Variants in ADGRL3 observed in about 807,000 individuals in gnomAD.
ADGRL3 encodes adhesion G protein-coupled receptor L3, also known as calcium-independent alpha-latrotoxin receptor 3.
In ADGRL3, 62 loss-of-function variants were observed where a neutral mutation model predicts 153.5. That is an observed-to-expected ratio of 0.40 (90% CI 0.33 to 0.50). The LOEUF (loss-of-function observed/expected upper bound fraction) is 0.50. Ranked by LOEUF, ADGRL3 falls within the 20% of genes least tolerant of loss-of-function variation. The pLI is 0.47. For missense variants in ADGRL3, 1,641 were observed against 1,859.4 expected, an observed-to-expected ratio of 0.88 and a Z score of 2.16; for synonymous variants, 710 against 672.5, an observed-to-expected ratio of 1.06 and a Z score of -0.86.
In ADGRL3 at chr4:61,202,892, G is replaced by A. The variant is rs1365339966; in HGVS notation, c.-240+1127G>A. On this transcript the variant is annotated intron_variant, in intron 1 of 26. Transcript: ENST00000683033. This position sits in a 1 kb window ranked among gnomAD's most constrained non-coding sequence, Gnocchi z 5.0. The stretch of plus-strand genomic sequence containing the variant: ...GCAGAGAGATATTTGCGGGGATGCC[G>A]GAGCTGATGCTGCTGGAGCTGAGCT... Among the ~76,000 whole-genome samples, 2 of 152,166 alleles carry A rather than the reference G, an allele frequency of 1.3e-5. No homozygotes were observed. Among genetic ancestry groups the A allele is most frequent in the Admixed American group, 6.5e-5 (1 of 15,290 alleles).
At chr4:62,008,111 G>A (rs1013204885) in intron 21 of ADGRL3, among the ~76,000 whole-genome samples, 1 of 152,076 alleles carries the variant, frequency 6.6e-6, no homozygotes. Flanking sequence ...GTGGGGTGAA[G>A]GGAGAATGGG....
intron 13 of ADGRL3, among the ~76,000 whole-genome samples, chr4:61,932,617 A>T (rs1377214062): frequency 6.6e-6 from 1 of 152,014 alleles, no homozygotes; most frequent in African/African-American, 2.4e-5. Flanking sequence ...ATTCATCAGG[A>T]TATGGCCTGC....
At chr4:61,613,723 G>A (rs2091665526) in intron 5 of ADGRL3, among the ~76,000 whole-genome samples, 2 of 152,206 alleles carry the variant, frequency 1.3e-5, no homozygotes, top group African/African-American at 4.8e-5. Context: ...CAGCCTGGGT[G>A]ACAGAGCTAG....
chr4:62,031,351 C>G (rs1721937930), intron 22 of ADGRL3, 91 bp from the exon 23 acceptor site: 1 of 1,069,452 alleles, frequency 9.4e-7, no homozygotes, highest in South Asian at 2.1e-5. Flanking sequence ...GTTACTGTAA[C>G]ATTTTTTTCA....
intron 1 of ADGRL3, among the ~76,000 whole-genome samples, chr4:61,368,564 C>T (rs1201726919): frequency 1.3e-5 from 2 of 151,668 alleles, no homozygotes; most frequent in Non-Finnish European, 3.0e-5. Flanking sequence ...TTTCTGAGGG[C>T]TCTGTTCTGT....
At chr4:62,011,304 A>G (rs1466141882) in intron 21 of ADGRL3, among the ~76,000 whole-genome samples, 1 of 152,136 alleles carries the variant, frequency 6.6e-6, no homozygotes, top group African/African-American at 2.4e-5. Flanking sequence ...AAACTTGGGA[A>G]TTTTTTTAGT....
intron 1 of ADGRL3, among the ~76,000 whole-genome samples, chr4:61,294,739 T>A (rs1233143372): frequency 6.6e-6 from 1 of 152,118 alleles, no homozygotes; most frequent in African/African-American, 2.4e-5. Flanking sequence ...TAATATCTCA[T>A]CAATATGGAA....
chr4:61,977,121 C>A (rs553626219), intron 17 of ADGRL3, among the ~76,000 whole-genome samples: 57 of 152,208 alleles, frequency 3.7e-4, no homozygotes, highest in African/African-American at 1.3e-3. Flanking sequence ...TTTTGAAGAG[C>A]CTACTAAGGC....
At chr4:61,825,414 C>G (rs1023634689) in intron 9 of ADGRL3, among the ~76,000 whole-genome samples, 4 of 152,052 alleles carry the variant, frequency 2.6e-5, no homozygotes, top group Non-Finnish European at 5.9e-5. Context: ...CTCTATTGCT[C>G]TAGTCAAAAG....
chr4:61,870,507 G>T (rs766927263), intron 9 of ADGRL3, among the ~76,000 whole-genome samples: 2 of 152,152 alleles, frequency 1.3e-5, no homozygotes, highest in Non-Finnish European at 2.9e-5. Context: ...GGCACGAAAT[G>T]AAAGGACAAT....
At chr4:61,239,434 C>G (rs1347008919) in intron 1 of ADGRL3, among the ~76,000 whole-genome samples, 2 of 152,082 alleles carry the variant, frequency 1.3e-5, no homozygotes, top group African/African-American at 4.8e-5. Flanking sequence ...AGAATTCCCC[C>G]TCCCCACTCC....
chr4:61,348,689 G>T (rs1560503905), intron 1 of ADGRL3, among the ~76,000 whole-genome samples: 1 of 151,982 alleles, frequency 6.6e-6, no homozygotes, highest in Non-Finnish European at 1.5e-5. Context: ...GTAAAATATA[G>T]TTGATATAAT....
chr4:61,909,805 T>TG, intron 12 of ADGRL3, 60 bp downstream of exon 12: 14 of 1,015,428 alleles, frequency 1.4e-5, no homozygotes, highest in Admixed American at 1.1e-4. Flanking sequence ...GTGTGTGTCT[T>TG]TAAAGTTGTA....
At chr4:61,836,072 C>G (rs1367524074) in intron 9 of ADGRL3, among the ~76,000 whole-genome samples, 1 of 152,122 alleles carries the variant, frequency 6.6e-6, no homozygotes, top group African/African-American at 2.4e-5. Context: ...AGATTTTATC[C>G]AGTATTGCTT....
intron 13 of ADGRL3, among the ~76,000 whole-genome samples, chr4:61,913,988 C>A (rs1391555844): frequency 1.3e-5 from 2 of 152,052 alleles, no homozygotes; most frequent in African/African-American, 4.8e-5. Flanking sequence ...ATATCCTCAA[C>A]AAATATTAGT....
chr4:61,572,701 C>A (rs768984812), intron 4 of ADGRL3, among the ~76,000 whole-genome samples: 3 of 151,730 alleles, frequency 2.0e-5, no homozygotes, highest in Non-Finnish European at 2.9e-5. Flanking sequence ...AAATAATATA[C>A]CAGCAAGTTG....
intron 8 of ADGRL3, among the ~76,000 whole-genome samples, chr4:61,773,472 C>T (rs1227282620): frequency 6.6e-6 from 1 of 152,086 alleles, no homozygotes; most frequent in African/African-American, 2.4e-5. Flanking sequence ...ATTCTTTCCA[C>T]CAAATTATTA....
At chr4:61,259,101 C>A (rs767209510) in intron 1 of ADGRL3, among the ~76,000 whole-genome samples, 2 of 152,132 alleles carry the variant, frequency 1.3e-5, no homozygotes, top group Non-Finnish European at 2.9e-5. Flanking sequence ...TCACTAGCAT[C>A]TTCCCATTGT....
At chr4:61,356,829 T>C (rs1218602629) in intron 1 of ADGRL3, among the ~76,000 whole-genome samples, 2 of 152,174 alleles carry the variant, frequency 1.3e-5, no homozygotes, top group Non-Finnish European at 2.9e-5. Context: ...TGCAAAGTCC[T>C]GGCCTTAAAG....
Sources: gnomAD v4.1 joint callset for allele counts (sites outside exome capture counted in the v4.1 genomes callset) on GRCh38, gnomAD v4.1.1 for gene constraint, Gnocchi (gnomAD v3.1) non-coding constraint, MANE v1.5 for transcripts, NCBI Gene and HGNC (gene_info 2026-07-23, HGNC 2026-07-21) for gene names.